The following ERBIN variants were observed in gnomAD, a reference collection of about 807,000 sequenced individuals.
ERBIN encodes densin-180-like protein.
Under a neutral mutation model 158.4 loss-of-function variants are expected in ERBIN, and 60 were observed. The ratio of observed to expected loss-of-function variants is 0.38; its 90% confidence interval spans 0.31 to 0.47. ERBIN has a LOEUF of 0.47. ERBIN is among the 20% of genes least tolerant of loss of function. The probability of loss-of-function intolerance (pLI) is 0.99; values close to 1 mark genes in which losing one functional copy is unlikely to be tolerated. For missense variants in ERBIN, 1,610 were observed against 1,648.0 expected (o/e 0.98, Z 0.40); for synonymous variants, 594 against 557.2 (o/e 1.07, Z -0.93).
intron 4 of ERBIN, among the ~76,000 whole-genome samples, chr5:66,007,526 C>A (rs1293244408): frequency 6.8e-6 from 1 of 146,754 alleles, no homozygotes; most frequent in Non-Finnish European, 1.5e-5. Flanking sequence ...TGCACATGTA[C>A]CCTAAAACTT....
intron 1 of ERBIN, among the ~76,000 whole-genome samples, chr5:65,969,356 T>G (rs1417989559): frequency 1.3e-5 from 2 of 152,368 alleles, no homozygotes; most frequent in East Asian, 1.9e-4. Context: ...GCTGATTCAG[T>G]TACTTTTGGG....
At position 66,048,786 on chromosome 5, in the gene ERBIN, G is replaced by A. The variant is rs1204960878; in HGVS notation, c.1903+5G>A. ...CACTTAGTAATAACAAAAAAGGTTA[G>A]ATGTTAAAGGAAAGTGCTAAGAATA... On this transcript the variant is annotated splice_donor_5th_base_variant and intron_variant, in intron 19 of 25. Transcript: ENST00000284037. 5 of 1,524,872 alleles carry A rather than the reference G, an allele frequency of 3.3e-6. No individual in the cohort carries two copies. The highest frequency in any genetic ancestry group is 4.4e-6 in the Non-Finnish European group (5 of 1,124,230). The allele number at this position is 1,524,872 out of a possible 1,614,324, so 94.5% of individuals were successfully genotyped here. A position where few individuals can be genotyped will look rare whatever the true frequency, so the allele number is the denominator to read the frequency against.
At chr5:66,021,254 A>G in intron 7 of ERBIN, 68 bp from the exon 8 acceptor site, 1 of 931,312 alleles carries the variant, frequency 1.1e-6, no homozygotes, top group Non-Finnish European at 1.7e-6. Flanking sequence ...AATGTTTTAG[A>G]CTGTTTTGAA....
At position 66,070,482 on chromosome 5, in the gene ERBIN, G is replaced by GT. The variant is rs59681080; in HGVS notation, c.3634-1686dup. Among the ~76,000 whole-genome samples, 863 of 152,088 alleles carry GT rather than the reference G, an allele frequency of 5.7e-3. 11 individuals are homozygous for GT. The highest frequency in any genetic ancestry group is 0.018 in the African/African-American group (747 of 41,486). ...CCATTTATAGTCACCTGGAGCAATT[G>GT]TATTTTCCACATTCTTTTATAGTAA... On this transcript the variant is annotated intron_variant, in intron 21 of 25. Coordinates refer to ENST00000284037, the MANE Select transcript of ERBIN (RefSeq NM_001253697.2).
At chr5:66,027,401 T>C (rs1013596451) in intron 13 of ERBIN, among the ~76,000 whole-genome samples, 6 of 152,068 alleles carry the variant, frequency 3.9e-5, no homozygotes, top group African/African-American at 1.4e-4. Flanking sequence ...AAGGCTGAAG[T>C]AGATAATTCT....
intron 7 of ERBIN, among the ~76,000 whole-genome samples, chr5:66,016,016 A>C (rs1433906396): frequency 6.6e-6 from 1 of 152,220 alleles, no homozygotes; most frequent in Non-Finnish European, 1.5e-5. Context: ...ACCAGCATAT[A>C]ACCTGCATGT....
chr5:66,040,862 A>G (rs891198912), intron 15 of ERBIN, among the ~76,000 whole-genome samples: 21 of 151,798 alleles, frequency 1.4e-4, no homozygotes, highest in African/African-American at 4.6e-4. Context: ...AAAAGAGGAA[A>G]AAAAGAAAGA....
intron 21 of ERBIN, among the ~76,000 whole-genome samples, chr5:66,066,910 A>T (rs1212519946): frequency 6.6e-6 from 1 of 152,228 alleles, no homozygotes; most frequent in East Asian, 1.9e-4. Context: ...ACCTGTTTTG[A>T]GCTTCAGCTT....
intron 1 of ERBIN, among the ~76,000 whole-genome samples, chr5:65,958,040 G>A (rs1214243360): frequency 6.6e-6 from 1 of 150,892 alleles, no homozygotes; most frequent in Non-Finnish European, 1.5e-5. Context: ...GGGCAGAGGC[G>A]CTCCCCACAT....
In ERBIN at chr5:66,054,781, A is replaced by G; in HGVS notation, c.3463A>G (p.Arg1155Gly). 2 of 1,614,186 alleles carry G rather than the reference A, an allele frequency of 1.2e-6. No individual in the cohort carries two copies. The highest frequency in any genetic ancestry group is 1.7e-6 in the Non-Finnish European group (2 of 1,180,018). The change falls in exon 21 of 26, where the codon AGA (arginine) becomes GGA (glycine). Residue 1155 changes from arginine (R) to glycine (G), a missense_variant. Arg to Gly is a moderately radical substitution (Grantham distance 125). This residue lies in a region of ERBIN where 1,014 missense variants were observed against 936.1 expected (regional missense o/e 1.08). Transcript: ENST00000284037. ...ACCCTCTATTAATGAAATACCAGAG[A>G]GAACTATGTCAGTTAGTGATTTCAA... is the stretch of plus-strand genomic sequence containing the variant. ...ARPSINEIPE[R>G]TMSVSDFNYS...
intron 1 of ERBIN, among the ~76,000 whole-genome samples, chr5:65,971,870 AG>A (rs1469305205): frequency 6.6e-6 from 1 of 152,074 alleles, no homozygotes; most frequent in Non-Finnish European, 1.5e-5. Context: ...TGCTCCATCT[AG>A]GAGGGCAGTG....
chr5:65,983,333 A>G (rs1173691185), intron 1 of ERBIN, among the ~76,000 whole-genome samples: 1 of 152,088 alleles, frequency 6.6e-6, no homozygotes, highest in Non-Finnish European at 1.5e-5. Flanking sequence ...CACATTTTAT[A>G]TATATTTAGT....
rs1340850983 is a variant in ERBIN, at chr5:65,940,603, G to GTGGGGGGTC, written c.-58+13797_-58+13798insTGGGGGGTC. Among the ~76,000 whole-genome samples the GTGGGGGGTC allele has an allele frequency of 2.0e-3, 182 of 89,886 alleles. 15 individuals are homozygous for GTGGGGGGTC. The highest frequency in any genetic ancestry group is 6.4e-3 in the African/African-American group (157 of 24,612). 59.0% of individuals were successfully genotyped at this position (89,886 alleles called of 152,430 possible). On this transcript the variant is annotated intron_variant, in intron 1 of 25. Coordinates refer to ENST00000284037, the MANE Select transcript of ERBIN (RefSeq NM_001253697.2). The stretch of plus-strand genomic sequence containing the variant: ...CCGGCCGCCCCTACTGGGAAGTGAG[G>GTGGGGGGTC]AGCCCCTCTGCCCGGCCAGCCGCCC...
intron 1 of ERBIN, among the ~76,000 whole-genome samples, chr5:65,943,186 G>C (rs1745279183): frequency 1.3e-5 from 2 of 152,146 alleles, no homozygotes; most frequent in South Asian, 4.1e-4. Flanking sequence ...GCTGATAATG[G>C]CAACAATCTG....
chr5:66,023,240 T>G (rs565034098), intron 8 of ERBIN, 50 bp from the exon 9 acceptor site: 1 of 1,330,572 alleles, frequency 7.5e-7, no homozygotes, highest in Non-Finnish European at 1.1e-6. Flanking sequence ...GATAAAGACA[T>G]TCATAAAAAT....
chr5:65,975,253 C>A (rs1487554560), intron 1 of ERBIN, among the ~76,000 whole-genome samples: 1 of 152,260 alleles, frequency 6.6e-6, no homozygotes, highest in East Asian at 1.9e-4. Flanking sequence ...AGTGATCTGC[C>A]TGCCTCGGCC....
At chr5:65,991,537 T>C (rs890363789) in intron 2 of ERBIN, among the ~76,000 whole-genome samples, 10 of 152,212 alleles carry the variant, frequency 6.6e-5, no homozygotes, top group Non-Finnish European at 1.3e-4. Flanking sequence ...TTGTGTGGTG[T>C]TTGATTTTTT....
chr5:66,028,112 G>A (rs1756470298), intron 13 of ERBIN, among the ~76,000 whole-genome samples, 162 bp from the exon 14 acceptor site: 1 of 151,848 alleles, frequency 6.6e-6, no homozygotes, highest in East Asian at 1.9e-4. Flanking sequence ...TTTGTTTTAT[G>A]TCCTATACGA....
Position 66,054,189 on chromosome 5 carries a change from A to G in ERBIN, c.2871A>G (p.Ile957Met). Residue 957 changes from isoleucine to methionine, a missense_variant, in exon 21 of 26, where the codon ATA (isoleucine) becomes ATG (methionine). By Grantham distance (10) the Ile-to-Met change is conservative. This residue lies in a region of ERBIN where 1,014 missense variants were observed against 936.1 expected (regional missense o/e 1.08). Coordinates refer to ENST00000284037, the MANE Select transcript of ERBIN (RefSeq NM_001253697.2). ...ATCATAATCCCGAAGAGCCAAATAT[A>G]ATAAGAGGCCCCACAAGTGGCCCAC... ...DSNHNPEEPNIIRGPTSGPQS... is the reference protein window; with the variant it reads ...DSNHNPEEPNMIRGPTSGPQS... 1.2e-6 allele frequency: 2 copies of G among 1,614,118 alleles called. No individual in the cohort carries two copies. The highest frequency in any genetic ancestry group is 1.1e-5 in the South Asian group (1 of 91,088).
Sources: allele counts gnomAD v4.1 joint callset (sites outside exome capture counted in the v4.1 genomes callset), GRCh38; gene constraint gnomAD v4.1.1; regional missense constraint gnomAD v4.1.1; transcripts MANE v1.5; gene names NCBI Gene and HGNC (gene_info 2026-07-23, HGNC 2026-07-21).